The following IFT56 variants were observed in gnomAD, a reference collection of about 807,000 sequenced individuals.
IFT56 encodes the protein intraflagellar transport protein 56.
chr7:139,149,030 G>T, the IFT56 span, among the ~76,000 whole-genome samples: 1 of 151,884 alleles, frequency 6.6e-6, no homozygotes, highest in Admixed American at 6.6e-5. Context: ...TCTGGGCCAG[G>T]CACGGTGGCT....
At chr7:139,167,377 G>C in the IFT56 span, among the ~76,000 whole-genome samples, 1 of 152,100 alleles carries the variant, frequency 6.6e-6, no homozygotes. Context: ...AATATTTCCA[G>C]ACCCCATGGA....
At chr7:139,186,083 T>G in the IFT56 span, among the ~76,000 whole-genome samples, 1 of 150,966 alleles carries the variant, frequency 6.6e-6, no homozygotes, top group African/African-American at 2.5e-5. Flanking sequence ...CCCAGCAATT[T>G]GAAGCCTTAA....
the IFT56 span, chr7:139,173,786 TAAC>T: frequency 1.3e-6 from 1 of 750,012 alleles, no homozygotes; most frequent in East Asian, 2.5e-5. Flanking sequence ...AAAGTTTCAC[TAAC>T]CATTTCCTCC....
the IFT56 span, among the ~76,000 whole-genome samples, chr7:139,163,296 C>T: frequency 1.1e-3 from 154 of 143,372 alleles, 7 homozygotes; most frequent in South Asian, 0.032. Flanking sequence ...GAGCGAAGAT[C>T]GCGCCACTGC....
At chr7:139,141,021 G>A in the IFT56 span, among the ~76,000 whole-genome samples, 1 of 151,240 alleles carries the variant, frequency 6.6e-6, no homozygotes, top group African/African-American at 2.4e-5. Context: ...AGCACTTTGG[G>A]AGGCCGAGGT....
the IFT56 span, chr7:139,172,795 A>G: frequency 4.7e-6 from 3 of 644,170 alleles, no homozygotes; most frequent in African/African-American, 5.4e-5. Flanking sequence ...TCAGGACAGG[A>G]CCTCGTTCAT....
chr7:139,134,541 T>TA, the IFT56 span: 1 of 1,210,886 alleles, frequency 8.3e-7, no homozygotes, highest in Non-Finnish European at 1.1e-6. Flanking sequence ...GTGCTGGGAT[T>TA]ACAGGCATGA....
the IFT56 span, among the ~76,000 whole-genome samples, chr7:139,139,034 G>A: frequency 0.022 from 3,416 of 152,080 alleles, 95 homozygotes; most frequent in African/African-American, 0.076. Context: ...GGATGGTCTC[G>A]ATCTCCTGAC....
chr7:139,173,524 C>T, the IFT56 span: 71,291 of 759,436 alleles, frequency 0.094, 8,251 homozygotes, highest in Admixed American at 0.31. Context: ...CCACCGCACC[C>T]GGCAAAGTCA....
the IFT56 span, among the ~76,000 whole-genome samples, chr7:139,151,990 G>A: frequency 2.6e-5 from 4 of 152,182 alleles, no homozygotes; most frequent in Non-Finnish European, 5.9e-5. Flanking sequence ...GAACCTGGGA[G>A]GCAGAGGTTG....
At chr7:139,174,808 G>A in the IFT56 span, among the ~76,000 whole-genome samples, 1 of 152,016 alleles carries the variant, frequency 6.6e-6, no homozygotes, top group South Asian at 2.1e-4. Flanking sequence ...ATCACCTGAC[G>A]TCAGGAATTC....
At chr7:139,151,890 C>T in the IFT56 span, among the ~76,000 whole-genome samples, 1 of 152,066 alleles carries the variant, frequency 6.6e-6, no homozygotes, top group Non-Finnish European at 1.5e-5. Flanking sequence ...GATGGAACCC[C>T]ATCTCTACTA....
At chr7:139,163,325 G>C in the IFT56 span, among the ~76,000 whole-genome samples, 1 of 148,742 alleles carries the variant, frequency 6.7e-6, no homozygotes, top group African/African-American at 2.5e-5. Context: ...CTGGGTGACA[G>C]AGCGAGACTC....
the IFT56 span, among the ~76,000 whole-genome samples, chr7:139,134,493 A>T: frequency 6.6e-6 from 1 of 151,484 alleles, no homozygotes; most frequent in Non-Finnish European, 1.5e-5. Context: ...CTGGTCTCCA[A>T]CTCCTGACCT....
At chr7:139,148,975 T>C in the IFT56 span, among the ~76,000 whole-genome samples, 1 of 151,940 alleles carries the variant, frequency 6.6e-6, no homozygotes, top group Non-Finnish European at 1.5e-5. Flanking sequence ...TGTGATTGAA[T>C]GCCACCAACA....
the IFT56 span, chr7:139,178,643 A>T: frequency 6.6e-7 from 1 of 1,522,594 alleles, no homozygotes; most frequent in Non-Finnish European, 9.1e-7. Flanking sequence ...CTATCTAAAA[A>T]CATCCTTATC....
chr7:139,147,232 A>G, the IFT56 span: 3 of 1,613,666 alleles, frequency 1.9e-6, no homozygotes, highest in Non-Finnish European at 2.5e-6. Flanking sequence ...AATCCACTAT[A>G]TGCGATCTCA....
At chr7:139,184,998 G>C in the IFT56 span, among the ~76,000 whole-genome samples, 2 of 150,668 alleles carry the variant, frequency 1.3e-5, no homozygotes, top group Non-Finnish European at 2.9e-5. Context: ...AGCTTGCAGT[G>C]AGCCGAGATC....
the IFT56 span, chr7:139,191,782 C>T: frequency 6.6e-6 from 1 of 152,120 alleles, no homozygotes; most frequent in Admixed American, 6.5e-5. Flanking sequence ...GGTTTTCTTA[C>T]ATGTGATGAT....
Sources: gnomAD v4.1 joint callset for allele counts (sites outside exome capture counted in the v4.1 genomes callset) on GRCh38, gnomAD v4.1.1 for gene constraint, MANE v1.5 for transcripts, NCBI Gene and HGNC (gene_info 2026-07-23, HGNC 2026-07-21) for gene names.